NCOR1: variants seen among roughly 807,000 people sequenced by gnomAD.
The protein encoded by NCOR1 is nuclear receptor corepressor 1, also known as protein phosphatase 1, regulatory subunit 109.
NCOR1 carries 63 observed loss-of-function variants against 288.1 expected under a neutral mutation model. The observed-to-expected ratio is 0.22, with a 90% CI of 0.18 to 0.27. The LOEUF is 0.27. NCOR1 is among the 10% of genes least tolerant of loss of function. The pLI, the probability that NCOR1 is intolerant of heterozygous loss-of-function variation, is 1.00. For synonymous variants in NCOR1, 1,007 were observed against 1,065.9 expected (o/e 0.94, Z 1.08); for missense variants, 2,397 against 3,019.2 (o/e 0.79, Z 4.83).
chr17:16,123,761 C>A (rs764801423), intron 15 of NCOR1, among the ~76,000 whole-genome samples: 2 of 152,226 alleles, frequency 1.3e-5, no homozygotes, highest in Non-Finnish European at 2.9e-5. Context: ...GAAGTAGCCT[C>A]GACCTCTTCT....
chr17:16,039,292 T>C, intron 44 of NCOR1, 141 bp downstream of exon 44: 1 of 815,944 alleles, frequency 1.2e-6, no homozygotes, highest in South Asian at 1.9e-5. Flanking sequence ...AAAAACCTTT[T>C]TTAAGTAACG....
Position 16,185,113 on chromosome 17 carries a change from A to C in NCOR1, c.242+1441T>G, listed in dbSNP as rs1339412428. The stretch of plus-strand genomic sequence containing the variant: ...AAGAAAATGGGGAGACGAAAGTCAG[A>C]GGATGTAAAGTAGCAGACACATAGA... On this transcript the variant is annotated intron_variant, in intron 3 of 45. Coordinates refer to ENST00000268712, the MANE Select transcript of NCOR1 (RefSeq NM_006311.4). Among the ~76,000 whole-genome samples, 4 of 152,024 alleles carry C rather than the reference A, an allele frequency of 2.6e-5. No homozygotes were observed. The East Asian group carries it at 7.7e-4, about 29-fold the overall frequency.
chr17:16,073,688 T>C (rs1330167690), intron 27 of NCOR1, 119 bp from the exon 28 acceptor site: 1 of 801,996 alleles, frequency 1.2e-6, no homozygotes, highest in Non-Finnish European at 1.7e-6. Context: ...TGTCTTAACC[T>C]ACAATAAAAT....
At chr17:16,163,030 T>G (rs551494866) in intron 5 of NCOR1, among the ~76,000 whole-genome samples, 5 of 152,080 alleles carry the variant, frequency 3.3e-5, no homozygotes, top group African/African-American at 1.2e-4. Context: ...AAAAATACTA[T>G]CAGGATCAAA....
In NCOR1 at chr17:16,068,094, T is replaced by C. The variant is rs757906894; in HGVS notation, c.4541A>G (p.Asn1514Ser). ...DVTISSNKST[N>S]HERKSTLTPT... Reference sequence around the variant, plus strand: ...GGTCAGTGTCGATTTCCTTTCATGATTGGTAGACTTGTTAGAAGAAATTGT... The same window carrying C: ...GGTCAGTGTCGATTTCCTTTCATGACTGGTAGACTTGTTAGAAGAAATTGT... Residue 1514 changes from asparagine to serine, a missense_variant, in exon 32 of 46, where the codon AAT (asparagine) becomes AGT (serine). Transcript: ENST00000268712. 1.7e-5 allele frequency: 27 copies of C among 1,612,890 alleles called. No homozygotes were observed. The highest frequency in any genetic ancestry group is 1.8e-5 in the Non-Finnish European group (21 of 1,179,364).
At chr17:16,134,536 T>A (rs994464359) in intron 14 of NCOR1, among the ~76,000 whole-genome samples, 1 of 152,142 alleles carries the variant, frequency 6.6e-6, no homozygotes, top group South Asian at 2.1e-4. Flanking sequence ...GCAACAAGAA[T>A]GTACAGAAGA....
chr17:16,188,269 C>G (rs2087186879), intron 2 of NCOR1, among the ~76,000 whole-genome samples: 1 of 152,056 alleles, frequency 6.6e-6, no homozygotes, highest in Non-Finnish European at 1.5e-5. Flanking sequence ...AACTCATAGT[C>G]TAAGAAGAAA....
At chr17:16,159,738 A>T (rs187510719) in intron 5 of NCOR1, among the ~76,000 whole-genome samples, 55 of 152,234 alleles carry the variant, frequency 3.6e-4, no homozygotes, top group Non-Finnish European at 7.4e-4. Context: ...GTGTGCAAGT[A>T]TAAAGAAAAA....
chr17:16,074,998 G>C (rs1473648749), intron 27 of NCOR1, among the ~76,000 whole-genome samples: 3 of 152,110 alleles, frequency 2.0e-5, no homozygotes, highest in African/African-American at 4.8e-5. Context: ...CTCCCGAGTA[G>C]CTGGGACTAC....
chr17:16,072,455 TGAA>T (rs994449745), intron 28 of NCOR1, among the ~76,000 whole-genome samples: 1 of 152,166 alleles, frequency 6.6e-6, no homozygotes, highest in African/African-American at 2.4e-5. Context: ...AATGAAAGGT[TGAA>T]AAGGAAAGAT....
intron 9 of NCOR1, 56 bp from the exon 10 acceptor site, chr17:16,146,604 A>C: frequency 2.1e-6 from 3 of 1,399,358 alleles, no homozygotes; most frequent in Non-Finnish European, 2.9e-6. Context: ...GATTCTGACA[A>C]ACCTAATACT....
chr17:16,100,369 G>A (rs146312731), intron 20 of NCOR1, among the ~76,000 whole-genome samples: 2,320 of 152,218 alleles, frequency 0.015, 20 homozygotes, highest in Middle Eastern at 0.027. Context: ...TGCAGGGAGC[G>A]GTGGCTCATG....
At chr17:16,064,274 AT>A in intron 34 of NCOR1, 87 bp from the exon 35 acceptor site, 1 of 1,503,098 alleles carries the variant, frequency 6.7e-7, no homozygotes, top group Non-Finnish European at 9.0e-7. Flanking sequence ...GTGACTGAAA[AT>A]TTTTCAAAAA....
At chr17:16,196,427 T>C (rs2089807766) in intron 1 of NCOR1, among the ~76,000 whole-genome samples, 1 of 152,138 alleles carries the variant, frequency 6.6e-6, no homozygotes, top group Non-Finnish European at 1.5e-5. Flanking sequence ...CCCAGCACTT[T>C]GGGAAGTCAA....
chr17:16,110,146 G>T (rs1182901527), intron 18 of NCOR1, among the ~76,000 whole-genome samples: 1 of 152,142 alleles, frequency 6.6e-6, no homozygotes, highest in African/African-American at 2.4e-5. Flanking sequence ...CTTGAACTCA[G>T]GAGTTTGAGA....
intron 19 of NCOR1, among the ~76,000 whole-genome samples, chr17:16,108,492 T>A (rs2069282531): frequency 6.6e-6 from 1 of 152,196 alleles, no homozygotes; most frequent in Non-Finnish European, 1.5e-5. Context: ...CCAACTATAC[T>A]AACTGAACAA....
At chr17:16,129,264 C>G (rs1568219424) in intron 14 of NCOR1, among the ~76,000 whole-genome samples, 3 of 152,178 alleles carry the variant, frequency 2.0e-5, no homozygotes, top group African/African-American at 7.2e-5. Context: ...AGTCTTCTCT[C>G]CAACTACAAC....
At chr17:16,170,953 T>C (rs987861976) in intron 4 of NCOR1, among the ~76,000 whole-genome samples, 1 of 152,062 alleles carries the variant, frequency 6.6e-6, no homozygotes, top group Non-Finnish European at 1.5e-5. Flanking sequence ...GGAAAGTTCT[T>C]AATAGAACTC....
At chr17:16,155,593 A>G (rs2153404496) in intron 6 of NCOR1, among the ~76,000 whole-genome samples, 1 of 152,332 alleles carries the variant, frequency 6.6e-6, no homozygotes, top group South Asian at 2.1e-4. Context: ...ATGCAAGTCA[A>G]CTTTTCTCAG....
Sources: gnomAD v4.1 joint callset for allele counts (sites outside exome capture counted in the v4.1 genomes callset) on GRCh38, gnomAD v4.1.1 for gene constraint, MANE v1.5 for transcripts, NCBI Gene and HGNC (gene_info 2026-07-23, HGNC 2026-07-21) for gene names.